Variants in NLRP5 observed in about 807,000 individuals in gnomAD.
The protein encoded by NLRP5 is NLR family pyrin domain containing 5.
A neutral mutation model predicts 113.1 loss-of-function variants in NLRP5; 93 were observed. The ratio of observed to expected loss-of-function variants is 0.82; its 90% CI spans 0.70 to 0.98. NLRP5 has a LOEUF of 0.98. NLRP5 is among the 50% of genes least tolerant of loss of function. The pLI is 0.00. For synonymous variants in NLRP5, 751 were observed against 600.7 expected, an observed-to-expected ratio of 1.25 and a Z score of -3.66; for missense variants, 1,808 against 1,514.3, an observed-to-expected ratio of 1.19 and a Z score of -3.22.
At chr19:56,008,697 C>T (rs16986872) in intron 2 of NLRP5, 91 bp from the exon 3 acceptor site, 43,864 of 1,133,898 alleles carry the variant, frequency 0.039, 1,382 homozygotes, top group African/African-American at 0.14. Context: ...TGGTTCCCCT[C>T]CATAATTTGG....
intron 8 of NLRP5, among the ~76,000 whole-genome samples, chr19:56,033,112 A>G (rs1178808382): frequency 2.0e-5 from 3 of 152,098 alleles, no homozygotes; most frequent in East Asian, 3.9e-4. Flanking sequence ...TTAGCAGGGC[A>G]TGGTGGTACG....
chr19:56,027,647 G>A lies in NLRP5; in HGVS notation c.1414G>A (p.Ala472Thr), dbSNP rs138053847. Residue 472 changes from alanine (A) to threonine (T), a missense_variant, in exon 7 of 15, where the codon GCC becomes ACC. Physicochemically the swap from Ala to Thr is moderately conservative, Grantham distance 58. Coordinates refer to ENST00000390649, the MANE Select transcript of NLRP5 (RefSeq NM_153447.4). ...GCTGCTCGACCAGTGCCAGGTGCCC[G>A]CCGTGGGCTCTCTCATCTGCGTGGC... 6,920 of 1,613,354 alleles carry A rather than the reference G, an allele frequency of 4.3e-3. 38 individuals carry two copies. Among genetic ancestry groups the A allele is most frequent in the South Asian group, 0.021 (1,952 of 91,084 alleles).
Position 56,053,621 on chromosome 19 carries a change from T to A in NLRP5, c.3129-17T>A. ...CCTCGAGAGAGGCAGACTCTCTCTA[T>A]TCCCCGCCTCTTGCAGGTTGGTAAA... On this transcript the variant is annotated splice_polypyrimidine_tract_variant and intron_variant, in intron 12 of 14. Coordinates refer to ENST00000390649, the MANE Select transcript of NLRP5 (RefSeq NM_153447.4). 2.5e-6 allele frequency: 4 copies of A among 1,607,916 alleles called. No individual in the cohort carries two copies. The highest frequency in any genetic ancestry group is 2.6e-6 in the Non-Finnish European group (3 of 1,176,176).
intron 2 of NLRP5, among the ~76,000 whole-genome samples, chr19:56,006,929 AG>A (rs1158634561): frequency 1.3e-5 from 2 of 150,064 alleles, no homozygotes; most frequent in Non-Finnish European, 3.0e-5. Context: ...TTAGTAGAGA[AG>A]GGGTTTCACC....
At chr19:56,032,051 C>T (rs771661275) in intron 7 of NLRP5, among the ~76,000 whole-genome samples, 5 of 152,020 alleles carry the variant, frequency 3.3e-5, no homozygotes, top group Non-Finnish European at 5.9e-5. Flanking sequence ...AAGCAAAGAT[C>T]TGATGCAGGG....
rs1982005656 is a variant in NLRP5 at position 56,007,918 on chromosome 19, T to TGTGTGTGTGTGTGTGCGCGCGCGCGTGC, written c.443-855_443-854insCGCGCGCGCGTGCGTGTGTGTGTGTGTG. On this transcript the variant is annotated intron_variant, in intron 2 of 14. Transcript: ENST00000390649. ...GTGCGCGCGTGCGTGTGTGTGTGTG[T>TGTGTGTGTGTGTGTGCGCGCGCGCGTGC]GTGTGTGTGTGTGTGTTTGAAACAG... 7.9e-5 allele frequency among the ~76,000 whole-genome samples: 6 copies of TGTGTGTGTGTGTGTGCGCGCGCGCGTGC among 75,666 alleles called. 2 individuals carry two copies. The highest frequency in any genetic ancestry group is 2.5e-4 in the African/African-American group (6 of 24,358). The allele number at this position is 75,666 out of a possible 152,430, so 49.6% of individuals were successfully genotyped here.
chr19:56,052,200 T>TTTGGA (rs1244767927), intron 12 of NLRP5, among the ~76,000 whole-genome samples: 18 of 152,186 alleles, frequency 1.2e-4, no homozygotes, highest in African/African-American at 3.9e-4. Flanking sequence ...TTTGTTTTGG[T>TTTGGA]TTGGATTTTT....
chr19:55,990,460 G>C, the NLRP5 span, among the ~76,000 whole-genome samples: 1 of 152,014 alleles, frequency 6.6e-6, no homozygotes, highest in African/African-American at 2.4e-5. Flanking sequence ...GGAGGCCGAG[G>C]CAGGTGGATC....
intron 9 of NLRP5, 49 bp downstream of exon 9, chr19:56,033,758 T>C (rs761587615): frequency 6.7e-7 from 1 of 1,497,240 alleles, no homozygotes; most frequent in East Asian, 2.3e-5. Context: ...TTTTTACTTG[T>C]GTTTGAAATG....
At chr19:56,001,920 C>T (rs1981668215) in intron 1 of NLRP5, among the ~76,000 whole-genome samples, 1 of 152,096 alleles carries the variant, frequency 6.6e-6, no homozygotes, top group Non-Finnish European at 1.5e-5. Flanking sequence ...AGGAGATTTG[C>T]TCAAACTGGC....
rs376809576 is a variant in NLRP5, at chr19:56,058,278, C to T, written c.3338C>T (p.Ala1113Val). 4 of 1,613,752 alleles carry T rather than the reference C, an allele frequency of 2.5e-6. No individual in the cohort carries two copies. Among genetic ancestry groups the T allele is most frequent in the Non-Finnish European group, 3.4e-6 (4 of 1,179,820 alleles). The change falls in exon 14 of 15, where the codon GCA (alanine) becomes GTA (valine). Residue 1113 changes from alanine (A) to valine (V), a missense_variant. By Grantham distance (64) the Ala-to-Val change is moderately conservative (BLOSUM62 0). Coordinates refer to ENST00000390649, the MANE Select transcript of NLRP5 (RefSeq NM_153447.4). ...GGACTGACTTCTGATTGCTGTGAGG[C>T]ACTCTCCTTGGCCCTTTCCTGCAAC...
chr19:56,054,927 T>A (rs1412050282), intron 13 of NLRP5, among the ~76,000 whole-genome samples: 1 of 151,186 alleles, frequency 6.6e-6, no homozygotes, highest in African/African-American at 2.4e-5. Flanking sequence ...TAACCCTCCA[T>A]GGCACTAGGG....
intron 11 of NLRP5, among the ~76,000 whole-genome samples, chr19:56,049,622 C>A (rs1436404527): frequency 1.3e-5 from 2 of 152,110 alleles, no homozygotes; most frequent in Non-Finnish European, 2.9e-5. Context: ...GAATTTCTTT[C>A]TTCTACTTGT....
Position 56,055,537 on chromosome 19 carries a change from C to CTTTTTTTTTTTTTTTTTTTTTTTTT in NLRP5, c.3299+1731_3299+1755dup, listed in dbSNP as rs1160965587. On this transcript the variant is annotated intron_variant, in intron 13 of 14. Coordinates refer to ENST00000390649, the MANE Select transcript of NLRP5 (RefSeq NM_153447.4). ...CCATGTTCTATTTTTCTTTCTCTGT[C>CTTTTTTTTTTTTTTTTTTTTTTTTT]TTTTTTTTTTTTTTTTTTTTTTTTT... Among the ~76,000 whole-genome samples, 6 of 76,460 alleles carry CTTTTTTTTTTTTTTTTTTTTTTTTT rather than the reference C, an allele frequency of 7.8e-5. 1 individual carries two copies. The highest frequency in any genetic ancestry group is 3.9e-4 in the Admixed American group (2 of 5,076). The allele number at this position is 76,460 out of a possible 152,430, so 50.2% of individuals were successfully genotyped here.
intron 11 of NLRP5, among the ~76,000 whole-genome samples, chr19:56,043,542 CTTTTTTTTTTTTTTTTTTTTTTT>C (rs369622191): frequency 6.9e-4 from 64 of 92,956 alleles, no homozygotes; most frequent in African/African-American, 2.6e-3. Flanking sequence ...CTCTGCTATT[CTTTTTTTTTTTTTTTTTTTTTTT>C]TTTTTTTTTT....
intron 4 of NLRP5, among the ~76,000 whole-genome samples, chr19:56,018,245 T>C (rs894985502): frequency 3.9e-5 from 6 of 152,190 alleles, no homozygotes; most frequent in African/African-American, 1.4e-4. Context: ...TTTTAAAAAA[T>C]CTATAATTTT....
At chr19:56,022,559 A>G (rs546995513) in intron 6 of NLRP5, among the ~76,000 whole-genome samples, 12 of 152,264 alleles carry the variant, frequency 7.9e-5, no homozygotes, top group African/African-American at 2.9e-4. Context: ...ACAAATTACC[A>G]TATACCGGAT....
At chr19:55,986,872 C>T in the NLRP5 span, among the ~76,000 whole-genome samples, 332 of 152,322 alleles carry the variant, frequency 2.2e-3, 1 homozygote, top group Non-Finnish European at 4.2e-3. Context: ...TTGTTCTCCA[C>T]TGCTGATTAG....
the NLRP5 span, chr19:55,987,917 G>T: frequency 5.6e-6 from 9 of 1,601,176 alleles, no homozygotes; most frequent in Non-Finnish European, 7.7e-6. Context: ...TCCTTAGGCC[G>T]TCCAGTCATC....
Sources: allele counts gnomAD v4.1 joint callset (sites outside exome capture counted in the v4.1 genomes callset), GRCh38; gene constraint gnomAD v4.1.1; transcripts MANE v1.5; gene names NCBI Gene and HGNC (gene_info 2026-07-23, HGNC 2026-07-21).